Variants in TMEM132C observed in about 807,000 individuals in gnomAD.
TMEM132C encodes protein phosphatase 1, regulatory subunit 152.
In TMEM132C, 29 loss-of-function variants were observed where a neutral mutation model predicts 61.4. The ratio of observed to expected loss-of-function variants is 0.47; its 90% CI spans 0.35 to 0.64. The LOEUF (loss-of-function observed/expected upper bound fraction) is 0.64. Ranked by LOEUF, TMEM132C falls within the 30% of genes least tolerant of loss-of-function variation. The probability of loss-of-function intolerance (pLI) is 0.00; values close to 1 mark genes in which losing one functional copy is unlikely to be tolerated. For missense variants in TMEM132C, 1,408 were observed against 1,476.9 expected, an observed-to-expected ratio of 0.95 and a Z score of 0.76; for synonymous variants, 656 against 633.1, an observed-to-expected ratio of 1.04 and a Z score of -0.54.
rs76680524 is a variant in TMEM132C, at chr12:128,694,731, G to A, written c.1655+697G>A. ...AAGAGTAAGTAGGACAGTGAGATGC[G>A]GAATCCATCTCTACAAGGGGAAGCT... On this transcript the variant is annotated intron_variant, in intron 6 of 8. Transcript: ENST00000435159. Among the ~76,000 whole-genome samples, 1,522 of 152,266 alleles carry A rather than the reference G, an allele frequency of 1.0e-2. 18 individuals are homozygous for A. The highest frequency in any genetic ancestry group is 0.027 in the Middle Eastern group (8 of 294).
intron 3 of TMEM132C, among the ~76,000 whole-genome samples, chr12:128,592,098 A>G (rs925918250): frequency 2.2e-4 from 33 of 151,156 alleles, no homozygotes; most frequent in Admixed American, 2.2e-3. Flanking sequence ...GAGGCTTTAC[A>G]TAAATACTCA....
At chr12:128,559,653 C>T (rs1874448545) in intron 3 of TMEM132C, among the ~76,000 whole-genome samples, 1 of 152,114 alleles carries the variant, frequency 6.6e-6, no homozygotes, top group Non-Finnish European at 1.5e-5. Context: ...TATTGAGTGG[C>T]CTGAGATTAC....
intron 2 of TMEM132C, among the ~76,000 whole-genome samples, chr12:128,514,251 C>CT (rs376052848): frequency 2.3e-3 from 349 of 152,294 alleles, no homozygotes; most frequent in Non-Finnish European, 3.6e-3. Flanking sequence ...AAGCAGTAAG[C>CT]TTGGAGGGAA....
intron 3 of TMEM132C, among the ~76,000 whole-genome samples, chr12:128,560,435 G>C (rs1874471098): frequency 6.6e-6 from 1 of 152,170 alleles, no homozygotes; most frequent in South Asian, 2.1e-4. Context: ...ACCCTGATGA[G>C]CTAAGCGTGT....
intron 3 of TMEM132C, 36 bp downstream of exon 3, chr12:128,544,139 C>T: frequency 6.8e-7 from 1 of 1,471,908 alleles, no homozygotes; most frequent in Non-Finnish European, 9.0e-7. Context: ...TGTGTGGTTC[C>T]TGGTCCCGGG....
intron 2 of TMEM132C, among the ~76,000 whole-genome samples, chr12:128,478,081 T>G (rs1040364570): frequency 3.3e-5 from 5 of 152,202 alleles, no homozygotes; most frequent in African/African-American, 1.2e-4. Context: ...GTAGTTATTT[T>G]TAAAGTTGCA....
At chr12:128,584,050 G>A (rs1875449386) in intron 3 of TMEM132C, among the ~76,000 whole-genome samples, 1 of 152,238 alleles carries the variant, frequency 6.6e-6, no homozygotes, top group South Asian at 2.1e-4. Flanking sequence ...GTAGCAGGAT[G>A]AAGACAGCTC....
At chr12:128,547,960 C>T (rs1874017923) in intron 3 of TMEM132C, among the ~76,000 whole-genome samples, 1 of 152,174 alleles carries the variant, frequency 6.6e-6, no homozygotes, top group Non-Finnish European at 1.5e-5. Context: ...GGCCCTTTGC[C>T]CACATGACCG....
intron 3 of TMEM132C, among the ~76,000 whole-genome samples, chr12:128,614,033 T>C (rs956452839): frequency 6.6e-6 from 1 of 152,188 alleles, no homozygotes; most frequent in Non-Finnish European, 1.5e-5. Flanking sequence ...ATCCTTAGCA[T>C]ATCAGCAGAG....
intron 3 of TMEM132C, among the ~76,000 whole-genome samples, chr12:128,551,551 C>T (rs1874176569): frequency 6.6e-6 from 1 of 152,152 alleles, no homozygotes; most frequent in African/African-American, 2.4e-5. Context: ...GGGTGCGAGG[C>T]CAACAGAGCA....
intron 5 of TMEM132C, among the ~76,000 whole-genome samples, chr12:128,683,429 G>A (rs976257840): frequency 2.0e-5 from 3 of 152,152 alleles, no homozygotes; most frequent in Non-Finnish European, 4.4e-5. Flanking sequence ...TTCTAGAACA[G>A]GCCACAATTA....
At chr12:128,471,124 G>A (rs1044680602) in intron 2 of TMEM132C, among the ~76,000 whole-genome samples, 4 of 152,152 alleles carry the variant, frequency 2.6e-5, no homozygotes, top group South Asian at 2.1e-4. Flanking sequence ...CTAAATGCCA[G>A]AAGCATCCCC....
intron 3 of TMEM132C, among the ~76,000 whole-genome samples, chr12:128,608,483 C>T (rs911605821): frequency 3.3e-5 from 5 of 152,192 alleles, no homozygotes; most frequent in African/African-American, 1.2e-4. Flanking sequence ...CAAGTTACCC[C>T]TCTGCTAAAT....
In TMEM132C at chr12:128,693,844, G is replaced by A; in HGVS notation, c.1465G>A (p.Asp489Asn). The change falls in exon 6 of 9, where the codon GAC becomes AAC. Residue 489 changes from aspartate to asparagine, a missense_variant. Asp to Asn is a conservative substitution (Grantham distance 23). Transcript: ENST00000435159. The part of the protein sequence containing the change: ...EDVIKVSERC[D>N]YIFVNGKEIK... ...GTCTTTGCAGGTGTCTGAGCGCTGT[G>A]ACTACATCTTTGTCAATGGCAAAGA... 2.6e-6 allele frequency: 4 copies of A among 1,551,750 alleles called. No homozygotes were observed. Among genetic ancestry groups the A allele is most frequent in the Non-Finnish European group, 3.5e-6 (4 of 1,147,004 alleles).
At chr12:128,510,023 T>C (rs1872519151) in intron 2 of TMEM132C, among the ~76,000 whole-genome samples, 1 of 152,186 alleles carries the variant, frequency 6.6e-6, no homozygotes, top group South Asian at 2.1e-4. Flanking sequence ...GAGTTTATGA[T>C]GCAGAAAGGT....
chr12:128,581,184 C>A (rs182518422), intron 3 of TMEM132C, among the ~76,000 whole-genome samples: 1 of 151,898 alleles, frequency 6.6e-6, no homozygotes, highest in Non-Finnish European at 1.5e-5. Flanking sequence ...CTGATTAATG[C>A]GGATATGTGT....
At chr12:128,624,294 C>A (rs1953993380) in intron 4 of TMEM132C, among the ~76,000 whole-genome samples, 1 of 151,954 alleles carries the variant, frequency 6.6e-6, no homozygotes, top group African/African-American at 2.4e-5. Context: ...GCCTGTAATC[C>A]CAGCACTTTG....
intron 3 of TMEM132C, among the ~76,000 whole-genome samples, chr12:128,580,065 A>G (rs1875271935): frequency 6.6e-6 from 1 of 152,232 alleles, no homozygotes; most frequent in East Asian, 1.9e-4. Flanking sequence ...CACCATGTGT[A>G]CTGCCTGGGG....
chr12:128,273,183 CTG>C (rs1445985567), intron 1 of TMEM132C, among the ~76,000 whole-genome samples: 1 of 151,990 alleles, frequency 6.6e-6, no homozygotes. Flanking sequence ...ATGGTTTTGT[CTG>C]TTTTTTATTT....
Sources: allele counts gnomAD v4.1 joint callset (sites outside exome capture counted in the v4.1 genomes callset), GRCh38; gene constraint gnomAD v4.1.1; transcripts MANE v1.5; gene names NCBI Gene and HGNC (gene_info 2026-07-23, HGNC 2026-07-21).